The following IL1RAPL1 variants were observed in gnomAD, a reference collection of about 807,000 sequenced individuals.
IL1RAPL1 encodes interleukin 1 receptor accessory protein like 1.
A neutral mutation model predicts 48.4 loss-of-function variants in IL1RAPL1; 3 were observed. The ratio of observed to expected loss-of-function variants is 0.06; its 90% CI spans 0.03 to 0.16. The LOEUF (loss-of-function observed/expected upper bound fraction) is 0.16, where lower values mean the gene tolerates loss of function less well. Among genes scored for constraint, IL1RAPL1 ranks in the 10% least tolerant of loss-of-function variants. IL1RAPL1 has a pLI of 1.00. For missense variants in IL1RAPL1, 349 were observed against 530.6 expected, an observed-to-expected ratio of 0.66 and a Z score of 3.36; for synonymous variants, 185 against 187.7, an observed-to-expected ratio of 0.99 and a Z score of 0.12.
At chrX:28,596,476 C>T (rs977023747) in intron 1 of IL1RAPL1, among the ~76,000 whole-genome samples, 1 of 109,966 alleles carries the variant, frequency 9.1e-6, no homozygotes, top group African/African-American at 3.3e-5. Context: ...TCCCTCCCTA[C>T]AGAGATGACT....
At chrX:29,777,069 A>G (rs750715670) in intron 6 of IL1RAPL1, among the ~76,000 whole-genome samples, 2 of 111,853 alleles carry the variant, frequency 1.8e-5, no homozygotes, top group South Asian at 3.7e-4. Context: ...TCCTTCTCTA[A>G]TTTTGGCAGT....
At chrX:29,083,834 AT>A (rs1485157782) in intron 2 of IL1RAPL1, among the ~76,000 whole-genome samples, 3 of 111,712 alleles carry the variant, frequency 2.7e-5, no homozygotes, top group East Asian at 2.8e-4. Context: ...CAAACTAAGA[AT>A]TTTTTTTAAG....
At chrX:29,594,124 CTG>C (rs1923468440) in intron 5 of IL1RAPL1, among the ~76,000 whole-genome samples, 2 of 112,502 alleles carry the variant, frequency 1.8e-5, no homozygotes, top group South Asian at 7.2e-4. Flanking sequence ...AATCTAATGA[CTG>C]TTGAGTGAAA....
chrX:29,765,357 C>T (rs1877748904), intron 6 of IL1RAPL1, among the ~76,000 whole-genome samples: 1 of 109,763 alleles, frequency 9.1e-6, no homozygotes, highest in Non-Finnish European at 1.9e-5. Flanking sequence ...GGCTTTGCCA[C>T]TGGTATAATT....
intron 2 of IL1RAPL1, among the ~76,000 whole-genome samples, chrX:29,142,207 A>T (rs1241434329): frequency 1.8e-5 from 2 of 112,159 alleles, no homozygotes; most frequent in African/African-American, 6.5e-5. Flanking sequence ...TTTTATTAAG[A>T]TAAAAATTAC....
intron 6 of IL1RAPL1, among the ~76,000 whole-genome samples, chrX:29,692,020 G>A (rs922659370): frequency 4.5e-5 from 5 of 112,230 alleles, no homozygotes; most frequent in Non-Finnish European, 1.9e-5. Context: ...TACAATGAAG[G>A]TGACACAAAG....
intron 6 of IL1RAPL1, among the ~76,000 whole-genome samples, chrX:29,767,969 T>C (rs192739782): frequency 2.2e-3 from 240 of 111,560 alleles, no homozygotes; most frequent in Middle Eastern, 9.2e-3. Flanking sequence ...AAAAAAATCC[T>C]CCATTATGTT....
At chrX:29,680,368 T>C (rs1440714990) in intron 6 of IL1RAPL1, among the ~76,000 whole-genome samples, 11 of 111,660 alleles carry the variant, frequency 9.9e-5, no homozygotes, top group South Asian at 7.5e-4. Flanking sequence ...TTTGGAACTT[T>C]AGTGAGAACT....
At chrX:29,316,722 T>C (rs901509715) in intron 3 of IL1RAPL1, among the ~76,000 whole-genome samples, 2 of 111,661 alleles carry the variant, frequency 1.8e-5, no homozygotes, top group African/African-American at 3.3e-5. Context: ...GTCTAAAAAT[T>C]TGGAGTAAGC....
At chrX:29,805,464 A>G (rs1011514468) in intron 6 of IL1RAPL1, among the ~76,000 whole-genome samples, 2 of 111,016 alleles carry the variant, frequency 1.8e-5, no homozygotes, top group Non-Finnish European at 3.8e-5. Context: ...AGCCAAGACC[A>G]CAGTGCAAGA....
intron 1 of IL1RAPL1, among the ~76,000 whole-genome samples, chrX:28,716,137 C>G (rs1935501732): frequency 8.9e-6 from 1 of 111,843 alleles, no homozygotes; most frequent in Non-Finnish European, 1.9e-5. Flanking sequence ...ATTCAACATC[C>G]CTTCGTGTTA....
chrX:29,684,110 T>A (rs888443156), intron 6 of IL1RAPL1, among the ~76,000 whole-genome samples: 1 of 112,092 alleles, frequency 8.9e-6, no homozygotes, highest in Non-Finnish European at 1.9e-5. Context: ...ATCTCATGTA[T>A]CCTATAAATA....
intron 5 of IL1RAPL1, among the ~76,000 whole-genome samples, chrX:29,453,408 C>T (rs192984048): frequency 3.6e-5 from 4 of 111,238 alleles, no homozygotes; most frequent in Admixed American, 1.9e-4. Flanking sequence ...ATGAGGAAAA[C>T]GATTCCAAGA....
intron 1 of IL1RAPL1, among the ~76,000 whole-genome samples, chrX:28,638,843 G>C (rs765192009): frequency 7.0e-4 from 78 of 110,837 alleles, no homozygotes; most frequent in Middle Eastern, 4.7e-3. Context: ...CACTAAAAAG[G>C]GTCCTCCAGG....
At chrX:29,247,453 TA>T (rs1458913652) in intron 2 of IL1RAPL1, among the ~76,000 whole-genome samples, 3 of 109,575 alleles carry the variant, frequency 2.7e-5, no homozygotes, top group Non-Finnish European at 5.7e-5. Context: ...AAAAAAAAAT[TA>T]AAAACAGGGT....
At chrX:29,375,529 A>G (rs1227144634) in intron 3 of IL1RAPL1, among the ~76,000 whole-genome samples, 2 of 110,972 alleles carry the variant, frequency 1.8e-5, no homozygotes, top group African/African-American at 6.6e-5. Context: ...AGGTCAAGAG[A>G]TATGTTCTAG....
chrX:28,848,805 G>C (rs1299923354), intron 2 of IL1RAPL1, among the ~76,000 whole-genome samples: 1 of 111,739 alleles, frequency 8.9e-6, no homozygotes, highest in Non-Finnish European at 1.9e-5. Context: ...ACTATTTTCA[G>C]TGCTTCAGGC....
At chrX:29,098,840 TTAA>T (rs1212575201) in intron 2 of IL1RAPL1, among the ~76,000 whole-genome samples, 2 of 112,822 alleles carry the variant, frequency 1.8e-5, no homozygotes, top group African/African-American at 6.4e-5. Context: ...TCTTAACTAT[TTAA>T]TAATGTTTTA....
At chrX:28,661,354 A>T (rs1233812215) in intron 1 of IL1RAPL1, among the ~76,000 whole-genome samples, 2 of 110,940 alleles carry the variant, frequency 1.8e-5, no homozygotes, top group African/African-American at 6.6e-5. Context: ...TAATCATATA[A>T]AAACTCATAT....
Sources: allele counts gnomAD v4.1 joint callset (sites outside exome capture counted in the v4.1 genomes callset), GRCh38; gene constraint gnomAD v4.1.1; transcripts MANE v1.5; gene names NCBI Gene and HGNC (gene_info 2026-07-23, HGNC 2026-07-21).